RFX4: variants seen among roughly 807,000 people sequenced by gnomAD.
The protein encoded by RFX4 is regulatory factor X4.
Under a neutral mutation model 95.0 loss-of-function variants are expected in RFX4, and 10 were observed. The observed-to-expected ratio is 0.11, with a 90% CI of 0.06 to 0.18. RFX4 has a LOEUF of 0.18. RFX4 is among the 10% of genes least tolerant of loss of function. RFX4 has a pLI of 1.00. For missense variants in RFX4, 640 were observed against 922.0 expected (o/e 0.69, Z 3.96); for synonymous variants, 321 against 340.7 (o/e 0.94, Z 0.64).
chr12:106,740,504 CT>C (rs892900793), intron 15 of RFX4, among the ~76,000 whole-genome samples: 2 of 151,482 alleles, frequency 1.3e-5, no homozygotes, highest in Admixed American at 6.6e-5. Flanking sequence ...TTAATTGACT[CT>C]TTTTTTTTGG....
intron 15 of RFX4, 112 bp downstream of exon 15, chr12:106,733,197 A>T: frequency 8.3e-7 from 1 of 1,202,702 alleles, no homozygotes; most frequent in Non-Finnish European, 1.2e-6. Flanking sequence ...AAAGCCAGAC[A>T]TCTTGGCTCA....
intron 10 of RFX4, among the ~76,000 whole-genome samples, chr12:106,711,822 AG>A (rs1731961999): frequency 6.6e-6 from 1 of 152,232 alleles, no homozygotes; most frequent in Non-Finnish European, 1.5e-5. Flanking sequence ...ACAGATTAAG[AG>A]GATGATTTGT....
Position 106,654,270 on chromosome 12 carries a change from T to A in RFX4, c.234T>A (p.Pro78=), listed in dbSNP as rs2040912873. ...AGATTGCAGAGGGGGTCTGCATCCC[T>A]CGCAGTGCCCTCTATATGCATTACC... ...NYEIAEGVCI[P]RSALYMHYLD... Residue 78 remains proline, a synonymous_variant, in exon 4 of 18, where the codon CCT becomes CCA. Coordinates refer to ENST00000392842, the MANE Select transcript of RFX4 (RefSeq NM_213594.3). 4 of 1,613,956 alleles carry A rather than the reference T, an allele frequency of 2.5e-6. No homozygotes were observed. Among genetic ancestry groups the A allele is most frequent in the Non-Finnish European group, 3.4e-6 (4 of 1,179,946 alleles).
chr12:106,607,587 G>A (rs986596768), intron 1 of RFX4, among the ~76,000 whole-genome samples: 10 of 151,380 alleles, frequency 6.6e-5, no homozygotes, highest in Non-Finnish European at 1.0e-4. Flanking sequence ...TGGGGGGGGC[G>A]TGGAGTTTTC....
At chr12:106,739,522 AG>A in intron 15 of RFX4, among the ~76,000 whole-genome samples, 1 of 152,372 alleles carries the variant, frequency 6.6e-6, no homozygotes, top group Non-Finnish European at 1.5e-5. Flanking sequence ...ATGACTCACT[AG>A]GAAAACAGTC....
intron 2 of RFX4, among the ~76,000 whole-genome samples, chr12:106,624,665 C>T (rs187526404): frequency 3.3e-5 from 5 of 151,504 alleles, no homozygotes; most frequent in African/African-American, 1.2e-4. Flanking sequence ...TTGGGCGGGG[C>T]GGAGGGGGGA....
chr12:106,705,864 A>G (rs1186846228), intron 8 of RFX4, among the ~76,000 whole-genome samples: 2 of 152,222 alleles, frequency 1.3e-5, no homozygotes, highest in Non-Finnish European at 2.9e-5. Context: ...TGTGTCTGGC[A>G]CTATGCTAGG....
At chr12:106,718,747 T>A (rs1174407158) in intron 11 of RFX4, among the ~76,000 whole-genome samples, 1 of 152,204 alleles carries the variant, frequency 6.6e-6, no homozygotes, top group East Asian at 1.9e-4. Flanking sequence ...AAAAATGTGA[T>A]GAAAAGAGAT....
chr12:106,753,809 C>CAATA (rs2043058237), intron 17 of RFX4, among the ~76,000 whole-genome samples: 1 of 152,186 alleles, frequency 6.6e-6, no homozygotes, highest in African/African-American at 2.4e-5. Flanking sequence ...TCAGCATGAA[C>CAATA]AATAGTATGG....
At chr12:106,639,436 A>T (rs752724286) in intron 3 of RFX4, 44 bp downstream of exon 3, 18 of 1,547,950 alleles carry the variant, frequency 1.2e-5, no homozygotes, top group African/African-American at 1.4e-5. Flanking sequence ...GAGGATGCTC[A>T]TATCTTCTTG....
intron 11 of RFX4, among the ~76,000 whole-genome samples, chr12:106,719,445 A>T (rs2042356503): frequency 6.6e-6 from 1 of 152,344 alleles, no homozygotes; most frequent in East Asian, 1.9e-4. Context: ...CAGATAATGC[A>T]CCAGCTAATG....
intron 1 of RFX4, among the ~76,000 whole-genome samples, chr12:106,606,771 G>C (rs1407549478): frequency 2.6e-5 from 4 of 152,098 alleles, no homozygotes; most frequent in African/African-American, 4.8e-5. Context: ...GCTTTTAAAA[G>C]AGCAGTTTGT....
rs149029156 is a variant in RFX4 at position 106,598,923 on chromosome 12, C to T, written c.44-9874C>T. On this transcript the variant is annotated intron_variant, in intron 1 of 17. Transcript: ENST00000392842. ...AACATTAAGTAGTAGTAGGTACACC[C>T]TTCCCCAGAAGTTGAGGGAAAATGA... 3.4e-3 allele frequency among the ~76,000 whole-genome samples: 520 copies of T among 152,242 alleles called. 2 individuals are homozygous for T. Among genetic ancestry groups the T allele is most frequent in the African/African-American group, 0.012 (491 of 41,542 alleles).
At chr12:106,701,143 G>C (rs553506984) in intron 8 of RFX4, among the ~76,000 whole-genome samples, 1 of 152,250 alleles carries the variant, frequency 6.6e-6, no homozygotes, top group Non-Finnish European at 1.5e-5. Context: ...CTTTCACTGG[G>C]TATGGTATTC....
At chr12:106,740,815 G>GA (rs11375941) in intron 15 of RFX4, among the ~76,000 whole-genome samples, 61,803 of 151,880 alleles carry the variant, frequency 0.41, 12,935 homozygotes, top group African/African-American at 0.5. Context: ...GGTGGTCAGA[G>GA]ATGCCTCCCT....
intron 2 of RFX4, among the ~76,000 whole-genome samples, chr12:106,620,025 C>T (rs527647681): frequency 5.9e-5 from 9 of 152,276 alleles, no homozygotes; most frequent in African/African-American, 1.9e-4. Context: ...TCTATCTCCT[C>T]AAACATATTA....
intron 11 of RFX4, among the ~76,000 whole-genome samples, chr12:106,715,823 C>A (rs2042278311): frequency 6.6e-6 from 1 of 152,082 alleles, no homozygotes; most frequent in Non-Finnish European, 1.5e-5. Flanking sequence ...AATGCCAGCC[C>A]CGGTTCCATG....
intron 15 of RFX4, among the ~76,000 whole-genome samples, chr12:106,741,907 AG>A (rs2042812037): frequency 6.6e-6 from 1 of 152,156 alleles, no homozygotes; most frequent in Admixed American, 6.5e-5. Context: ...TGCAGTTCAT[AG>A]GGTTCACACT....
intron 17 of RFX4, among the ~76,000 whole-genome samples, chr12:106,760,017 C>G (rs2136108363): frequency 6.6e-6 from 1 of 152,276 alleles, no homozygotes; most frequent in South Asian, 2.1e-4. Context: ...CCATTGTTGT[C>G]ATAACCCCTT....
Sources: gnomAD v4.1 joint callset for allele counts (sites outside exome capture counted in the v4.1 genomes callset) on GRCh38, gnomAD v4.1.1 for gene constraint, MANE v1.5 for transcripts, NCBI Gene and HGNC (gene_info 2026-07-23, HGNC 2026-07-21) for gene names.